The following MAOB variants were observed in gnomAD, a reference collection of about 807,000 sequenced individuals.
The protein encoded by MAOB is amine oxidase [flavin-containing] B.
In MAOB, 15 loss-of-function variants were observed where a neutral mutation model predicts 41.9. The observed-to-expected ratio is 0.36, with a 90% CI of 0.24 to 0.55. MAOB has a LOEUF of 0.55. Among genes scored for constraint, MAOB ranks in the 20% least tolerant of loss-of-function variants. The pLI is 0.86. For missense variants in MAOB, 345 were observed against 398.7 expected, an observed-to-expected ratio of 0.87 and a Z score of 1.15; for synonymous variants, 167 against 144.2, an observed-to-expected ratio of 1.16 and a Z score of -1.13.
At chrX:43,830,994 A>AGTGTGTGT (rs56322068) in intron 3 of MAOB, among the ~76,000 whole-genome samples, 27 of 95,814 alleles carry the variant, frequency 2.8e-4, no homozygotes, top group African/African-American at 8.6e-4. Context: ...TCAATGATTA[A>AGTGTGTGT]GTGTGTGTGT....
intron 1 of MAOB, among the ~76,000 whole-genome samples, chrX:43,880,956 TC>T (rs751447033): frequency 8.9e-6 from 1 of 112,823 alleles, no homozygotes. Flanking sequence ...AAGTCCAACT[TC>T]CTCTAGGAGA....
rs766225528 is a variant in MAOB at position 43,766,723 on chromosome X, T to G, written c.*743A>C. 8.9e-6 allele frequency: 1 copy of G among 112,007 alleles called. No homozygotes were observed. The highest frequency in any genetic ancestry group is 3.7e-4 in the South Asian group (1 of 2,692). 9.2% of individuals were successfully genotyped at this position (112,007 alleles called of 1,213,427 possible). A position where few individuals can be genotyped will look rare whatever the true frequency, so the allele number is the denominator to read the frequency against. ...ATAAAATTTCTACCATCAAAAAAGT[T>G]AAAATCAGCTGGAGACACACCGCAC... On this transcript the variant is annotated 3_prime_UTR_variant, in exon 15 of 15. Coordinates refer to ENST00000378069, the MANE Select transcript of MAOB (RefSeq NM_000898.5).
At position 43,781,440 on chromosome X, in the gene MAOB, T is replaced by C; in HGVS notation, c.1025+8A>G. 2 of 1,124,248 alleles carry C rather than the reference T, an allele frequency of 1.8e-6. No homozygotes were observed. Among genetic ancestry groups the C allele is most frequent in the Non-Finnish European group, 2.4e-6 (2 of 832,734 alleles). 92.7% of individuals were successfully genotyped at this position (1,124,248 alleles called of 1,213,427 possible). On this transcript the variant is annotated splice_region_variant and intron_variant, in intron 9 of 14. Transcript: ENST00000378069. Reference sequence around the variant, plus strand: ...AATAGCAGCCACAACACCATAATTGTGCCTTACCCCATTATGGCAGCATAG... The same window carrying C: ...AATAGCAGCCACAACACCATAATTGCGCCTTACCCCATTATGGCAGCATAG...
chrX:43,778,696 G>A lies in MAOB; in HGVS notation c.1123C>T (p.Leu375=). 1 of 1,206,973 alleles carries A rather than the reference G, an allele frequency of 8.3e-7. No individual in the cohort carries two copies. The highest frequency in any genetic ancestry group is 1.1e-6 in the Non-Finnish European group (1 of 892,664). ...AGCAGCCTTACCTCCAGAGCTTCTA[G>A]GGAACCCAGAACCTTGGCATAGAGT... is the stretch of plus-strand genomic sequence containing the variant. ...CELYAKVLGS[L]EALEPVHYEE... The change falls in exon 11 of 15, where the codon CTA becomes TTA. Residue 375 remains leucine, a synonymous_variant. Transcript: ENST00000378069.
intron 1 of MAOB, among the ~76,000 whole-genome samples, chrX:43,853,185 G>A (rs1351335982): frequency 9.9e-6 from 1 of 100,994 alleles, no homozygotes; most frequent in African/African-American, 3.6e-5. Flanking sequence ...GGAGAATGGC[G>A]TGAACCCGGG....
intron 9 of MAOB, 76 bp from the exon 10 acceptor site, chrX:43,780,471 T>C (rs756219701): frequency 1.4e-6 from 1 of 720,612 alleles, no homozygotes. Context: ...TAGCTACACA[T>C]GTGCCCAGTT....
At chrX:43,825,020 T>A (rs1341345057) in intron 3 of MAOB, among the ~76,000 whole-genome samples, 1 of 112,858 alleles carries the variant, frequency 8.9e-6, no homozygotes, top group Non-Finnish European at 1.9e-5. Context: ...CTAGGCCCTA[T>A]GCCATTTAGC....
intron 3 of MAOB, among the ~76,000 whole-genome samples, chrX:43,823,333 C>T (rs775478690): frequency 4.6e-5 from 5 of 108,423 alleles, no homozygotes; most frequent in Non-Finnish European, 9.6e-5. Flanking sequence ...CCACCACACC[C>T]GGCTAATTTT....
chrX:43,824,717 G>C (rs1306977331), intron 3 of MAOB, among the ~76,000 whole-genome samples: 1 of 112,076 alleles, frequency 8.9e-6, no homozygotes, highest in African/African-American at 3.2e-5. Context: ...TTCTTCTTTT[G>C]TATCTGCCCC....
In MAOB at chrX:43,767,017, C is replaced by T. The variant is rs989287407; in HGVS notation, c.*449G>A. On this transcript the variant is annotated 3_prime_UTR_variant, in exon 15 of 15. Transcript: ENST00000378069. ...TCAACTCTAAAACAGAAGGTGAGGA[C>T]TAAATGGTCTTTACTGTCTTTCAGC... 1 of 114,304 alleles carries T rather than the reference C, an allele frequency of 8.7e-6. No homozygotes were observed. The highest frequency in any genetic ancestry group is 3.2e-5 in the African/African-American group (1 of 30,816). 9.4% of individuals were successfully genotyped at this position (114,304 alleles called of 1,213,427 possible). A position where few individuals can be genotyped will look rare whatever the true frequency, so the allele number is the denominator to read the frequency against.
At chrX:43,808,145 C>T (rs1464122212) in intron 3 of MAOB, among the ~76,000 whole-genome samples, 1 of 111,242 alleles carries the variant, frequency 9.0e-6, no homozygotes, top group African/African-American at 3.3e-5. Context: ...TGTACAAAGT[C>T]ATCCTTCTGC....
chrX:43,791,804 G>C (rs1315323813), intron 8 of MAOB, among the ~76,000 whole-genome samples: 1 of 111,856 alleles, frequency 8.9e-6, no homozygotes, highest in African/African-American at 3.2e-5. Context: ...TGATTCCCAA[G>C]TCTCATTAGC....
rs946059488 is a variant in MAOB at position 43,814,950 on chromosome X, A to C, written c.280-11546T>G. 1.3e-4 allele frequency among the ~76,000 whole-genome samples: 14 copies of C among 112,000 alleles called. No homozygotes were observed. The East Asian group carries it at 2.0e-3, about 16-fold the overall frequency. ...CTGTCTTTCTCCTATTTACCCTCAT[A>C]ATCTGGTGTAAATGCATCTGTCAGT... On this transcript the variant is annotated intron_variant, in intron 3 of 14. Coordinates refer to ENST00000378069, the MANE Select transcript of MAOB (RefSeq NM_000898.5).
At chrX:43,774,267 C>T (rs1378547955) in intron 12 of MAOB, among the ~76,000 whole-genome samples, 2 of 111,449 alleles carry the variant, frequency 1.8e-5, no homozygotes, top group African/African-American at 6.5e-5. Flanking sequence ...AAAATCACTG[C>T]TATATTATTA....
chrX:43,793,528 G>C lies in MAOB; in HGVS notation c.819C>G (p.His273Gln). ...TCATCATTGGCAGAGGGGGATTGAA[G>C]TGAATCTTCATGCCCAGAGTAGGAG... The part of the protein sequence containing the change: ...AIPPTLGMKI[H>Q]FNPPLPMMRN... Residue 273 changes from histidine to glutamine, a missense_variant, in exon 8 of 15, where the codon CAC (histidine) becomes CAG (glutamine). Physicochemically the swap from His to Gln is conservative, Grantham distance 24. Coordinates refer to ENST00000378069, the MANE Select transcript of MAOB (RefSeq NM_000898.5). 2 of 1,203,450 alleles carry C rather than the reference G, an allele frequency of 1.7e-6. No individual in the cohort carries two copies. Among genetic ancestry groups the C allele is most frequent in the Non-Finnish European group, 2.2e-6 (2 of 889,630 alleles).
At chrX:43,817,702 C>T (rs1027581918) in intron 3 of MAOB, among the ~76,000 whole-genome samples, 1 of 112,205 alleles carries the variant, frequency 8.9e-6, no homozygotes, top group East Asian at 2.8e-4. Flanking sequence ...CACTTGCCTC[C>T]CTGCTGTTCT....
intron 12 of MAOB, among the ~76,000 whole-genome samples, chrX:43,773,118 G>A (rs1385846912): frequency 2.7e-5 from 3 of 112,172 alleles, no homozygotes; most frequent in Non-Finnish European, 5.6e-5. Context: ...GGATCCTAGC[G>A]TTTTCCTCAT....
intron 3 of MAOB, among the ~76,000 whole-genome samples, chrX:43,811,960 C>T (rs770907568): frequency 2.7e-5 from 3 of 110,983 alleles, no homozygotes; most frequent in African/African-American, 6.6e-5. Context: ...TTTTTTTATC[C>T]ATTAACCATC....
intron 7 of MAOB, among the ~76,000 whole-genome samples, chrX:43,794,688 TC>T (rs1179059933): frequency 2.7e-5 from 3 of 110,239 alleles, no homozygotes; most frequent in Non-Finnish European, 3.8e-5. Flanking sequence ...TTATAAATCC[TC>T]CCCCACCCCA....
Sources: allele counts gnomAD v4.1 joint callset (sites outside exome capture counted in the v4.1 genomes callset), GRCh38; gene constraint gnomAD v4.1.1; transcripts MANE v1.5; gene names NCBI Gene and HGNC (gene_info 2026-07-23, HGNC 2026-07-21).